SDK2: variants seen among roughly 807,000 people sequenced by gnomAD.
The protein encoded by SDK2 is sidekick cell adhesion molecule 2.
Under a neutral mutation model 253.9 loss-of-function variants are expected in SDK2, and 105 were observed. The ratio of observed to expected loss-of-function variants is 0.41; its 90% CI spans 0.35 to 0.49. The LOEUF is 0.49. Ranked by LOEUF, SDK2 falls within the 20% of genes least tolerant of loss-of-function variation. The pLI is 0.06. For synonymous variants in SDK2, 1,249 were observed against 1,234.9 expected, an observed-to-expected ratio of 1.01 and a Z score of -0.24; for missense variants, 2,608 against 3,003.0, an observed-to-expected ratio of 0.87 and a Z score of 3.07.
In SDK2 at chr17:73,612,575, T is replaced by C. The variant is rs756087093; in HGVS notation, c.64+31450A>G. ...TTCCCCATTCTGACCCCTTCAGAAC[T>C]TGGGGGCGGTGGCAAAATGAGAAGC... On this transcript the variant is annotated intron_variant, in intron 1 of 44. Coordinates refer to ENST00000392650, the MANE Select transcript of SDK2 (RefSeq NM_001144952.2). This position sits in a 1 kb window ranked among gnomAD's most constrained non-coding sequence, Gnocchi z 4.4. 6.6e-6 allele frequency among the ~76,000 whole-genome samples: 1 copy of C among 152,072 alleles called. No homozygotes were observed. The highest frequency in any genetic ancestry group is 1.5e-5 in the Non-Finnish European group (1 of 68,010).
chr17:73,412,031 TATACGTATATATATGTATATAC>T (rs2063135470), intron 18 of SDK2, among the ~76,000 whole-genome samples: 2 of 124,470 alleles, frequency 1.6e-5, no homozygotes, highest in South Asian at 4.9e-4. Context: ...TATATGTATA[TATACGTATATATATGTATATAC>T]GTATATGTAT....
intron 25 of SDK2, among the ~76,000 whole-genome samples, chr17:73,394,612 CT>C (rs1334376479): frequency 6.6e-6 from 1 of 152,184 alleles, no homozygotes. Flanking sequence ...GCAGAGAGGG[CT>C]GGCAGAGGGA....
chr17:73,440,085 T>C lies in SDK2; in HGVS notation c.725+727A>G, dbSNP rs548051150. On this transcript the variant is annotated intron_variant, in intron 6 of 44. Transcript: ENST00000392650. ...CTCGGGTGGCTCCTGACCCCTGATC[T>C]GCCCTACTCCAAAGCCCATACTCTT... is the stretch of plus-strand genomic sequence containing the variant. 2.0e-5 allele frequency among the ~76,000 whole-genome samples: 3 copies of C among 149,974 alleles called. No individual in the cohort carries two copies. In the South Asian group the frequency reaches 6.3e-4, roughly 32 times the overall value.
At chr17:73,497,921 G>A (rs1388121922) in intron 2 of SDK2, among the ~76,000 whole-genome samples, 1 of 152,122 alleles carries the variant, frequency 6.6e-6, no homozygotes, top group Non-Finnish European at 1.5e-5. Context: ...AGATCCTCCA[G>A]ACACAAGGTC....
At chr17:73,506,206 G>C (rs2063934715) in intron 2 of SDK2, among the ~76,000 whole-genome samples, 1 of 152,234 alleles carries the variant, frequency 6.6e-6, no homozygotes, top group Admixed American at 6.5e-5. Context: ...GGGTGTGCCA[G>C]GTGGTGGCCA....
In SDK2 at chr17:73,643,585, G is replaced by C. The variant is rs760759137; in HGVS notation, c.64+440C>G. 2.1e-4 allele frequency among the ~76,000 whole-genome samples: 32 copies of C among 151,996 alleles called. No homozygotes were observed. The highest frequency in any genetic ancestry group is 8.8e-5 in the Non-Finnish European group (6 of 67,964). On this transcript the variant is annotated intron_variant, in intron 1 of 44. Coordinates refer to ENST00000392650, the MANE Select transcript of SDK2 (RefSeq NM_001144952.2). The surrounding 1 kb of genome is among the most constrained non-coding windows in gnomAD (Gnocchi z 6.9). ...CACCCCACTCCCTCGCCCCGGGGAGGCCATCGCCTGCCCGGCAGGGGCCCT... is the reference window on the plus strand; with the variant it reads ...CACCCCACTCCCTCGCCCCGGGGAGCCCATCGCCTGCCCGGCAGGGGCCCT...
Position 73,361,699 on chromosome 17 carries a change from T to C in SDK2, c.5452A>G (p.Thr1818Ala), listed in dbSNP as rs775403568. The change falls in exon 39 of 45, where the codon ACG becomes GCG. Residue 1818 changes from threonine (T) to alanine (A), a missense_variant. By Grantham distance (58) the Thr-to-Ala change is moderately conservative. Around this residue, in one of 2 missense-constraint regions of SDK2, gnomAD observed 1,103 missense variants for 1,143.9 expected, o/e 0.96. Transcript: ENST00000392650. The surrounding 1 kb of genome is among the most constrained non-coding windows in gnomAD (Gnocchi z 4.1). ...GCTCTCCTACCTTCTCCGGGGCCCG[T>C]GGTGACGTTGGCTTCGATCTCCGGC... ...YGPEIEANVTTGPGEGAPGPP... is the reference protein window; with the variant it reads ...YGPEIEANVTAGPGEGAPGPP... 6.2e-7 allele frequency: 1 copy of C among 1,611,802 alleles called. No individual in the cohort carries two copies. The highest frequency in any genetic ancestry group is 1.7e-5 in the Admixed American group (1 of 59,996).
chr17:73,606,553 G>C (rs2045910017), intron 1 of SDK2, among the ~76,000 whole-genome samples: 1 of 152,196 alleles, frequency 6.6e-6, no homozygotes, highest in South Asian at 2.1e-4. Context: ...ACGAAGGCGG[G>C]TTTCACCGTT....
chr17:73,501,242 G>GCACACA (rs34715004), intron 2 of SDK2, among the ~76,000 whole-genome samples: 80,184 of 150,690 alleles, frequency 0.53, 21,303 homozygotes, highest in Admixed American at 0.61. Context: ...GCATGTGCAT[G>GCACACA]CACACACACA....
chr17:73,506,182 G>A (rs1170435380), intron 2 of SDK2, among the ~76,000 whole-genome samples: 1 of 152,232 alleles, frequency 6.6e-6, no homozygotes, highest in African/African-American at 2.4e-5. Flanking sequence ...TCACAGAGAC[G>A]GTCACAACTT....
At chr17:73,484,097 C>A (rs7405988) in intron 2 of SDK2, among the ~76,000 whole-genome samples, 55,962 of 151,976 alleles carry the variant, frequency 0.37, 10,981 homozygotes, top group East Asian at 0.48. Flanking sequence ...CACCGCTCCC[C>A]GCTCCTCCGG....
At chr17:73,637,242 G>A (rs2046343645) in intron 1 of SDK2, among the ~76,000 whole-genome samples, 1 of 152,162 alleles carries the variant, frequency 6.6e-6, no homozygotes, top group South Asian at 2.1e-4. Context: ...GGAACACTAG[G>A]CATTGCCAGT....
rs748256871 is a variant in SDK2 at position 73,398,050 on chromosome 17, C to T, written c.3339G>A (p.Leu1113=). 10 of 1,612,370 alleles carry T rather than the reference C, an allele frequency of 6.2e-6. No homozygotes were observed. In the Admixed American group the frequency reaches 1.7e-4, roughly 27 times the overall value. ...VSLRTASETS[L]WLRWMPLPEM... ...GGAGCCTTACCATCCAGCGCAGCCA[C>T]AGGCTGGTCTCACTGGCTGTGCGCA... Residue 1113 remains leucine, a synonymous_variant, in exon 24 of 45, where the codon CTG becomes CTA. Coordinates refer to ENST00000392650, the MANE Select transcript of SDK2 (RefSeq NM_001144952.2).
intron 16 of SDK2, 92 bp downstream of exon 16, chr17:73,419,074 C>T: frequency 7.0e-7 from 1 of 1,425,170 alleles, no homozygotes; most frequent in Non-Finnish European, 9.6e-7. Flanking sequence ...AAGGGCCTGC[C>T]ATGAATTTGC....
chr17:73,529,645 G>C (rs963815435), intron 1 of SDK2, among the ~76,000 whole-genome samples: 2 of 152,070 alleles, frequency 1.3e-5, no homozygotes, highest in African/African-American at 2.4e-5. Flanking sequence ...AGAAGACCAG[G>C]TGAAGCCACA....
intron 3 of SDK2, among the ~76,000 whole-genome samples, chr17:73,468,364 A>C (rs1215560462): frequency 6.6e-6 from 1 of 152,138 alleles, no homozygotes; most frequent in African/African-American, 2.4e-5. Flanking sequence ...CGAGCCTAGG[A>C]GGTCGATATT....
chr17:73,346,937 G>A (rs2062489575), intron 44 of SDK2, among the ~76,000 whole-genome samples: 1 of 152,218 alleles, frequency 6.6e-6, no homozygotes, highest in Non-Finnish European at 1.5e-5. Context: ...AGAACTACCA[G>A]TGGCATCCCC....
Position 73,352,589 on chromosome 17 carries a change from C to A in SDK2, c.5642G>T (p.Ser1881Ile), listed in dbSNP as rs1007137800. 28 of 1,613,930 alleles carry A rather than the reference C, an allele frequency of 1.7e-5. No individual in the cohort carries two copies. The highest frequency in any genetic ancestry group is 2.3e-5 in the Non-Finnish European group (27 of 1,179,900). The change falls in exon 41 of 45, where the codon AGC becomes ATC. Residue 1881 changes from serine to isoleucine, a missense_variant. This residue lies in a region of SDK2 where 1,103 missense variants were observed against 1,143.9 expected (regional missense o/e 0.96). Coordinates refer to ENST00000392650, the MANE Select transcript of SDK2 (RefSeq NM_001144952.2). This position sits in a 1 kb window ranked among gnomAD's most constrained non-coding sequence, Gnocchi z 4.1. ...GATGTCCATGCTGAACGTGTAGGAG[C>A]TCACCTCCTTGGGGATGTCTTTGAT... is the stretch of plus-strand genomic sequence containing the variant. Reference protein sequence around the residue: ...ILIKDIPKEVSSYTFSMDILK... With the variant: ...ILIKDIPKEVISYTFSMDILK...
intron 38 of SDK2, among the ~76,000 whole-genome samples, chr17:73,363,932 C>T (rs1240234174): frequency 2.0e-5 from 3 of 151,972 alleles, no homozygotes; most frequent in Non-Finnish European, 2.9e-5. Flanking sequence ...CTTTGCAGAA[C>T]GAGCTGCTGG....
Sources: allele counts gnomAD v4.1 joint callset (sites outside exome capture counted in the v4.1 genomes callset), GRCh38; gene constraint gnomAD v4.1.1; regional missense constraint gnomAD v4.1.1; non-coding constraint Gnocchi (gnomAD v3.1); transcripts MANE v1.5; gene names NCBI Gene and HGNC (gene_info 2026-07-23, HGNC 2026-07-21).